KCNH7: variants seen among roughly 807,000 people sequenced by gnomAD.
The protein encoded by KCNH7 is voltage-gated inwardly rectifying potassium channel KCNH7.
KCNH7 carries 49 observed loss-of-function variants against 120.8 expected under a neutral mutation model. That is an observed-to-expected ratio of 0.41 (90% CI 0.32 to 0.51). The LOEUF is 0.51. Among genes scored for constraint, KCNH7 ranks in the 20% least tolerant of loss-of-function variants. The pLI is 0.38. For synonymous variants in KCNH7, 547 were observed against 516.1 expected (o/e 1.06, Z -0.81); for missense variants, 1,097 against 1,446.6 (o/e 0.76, Z 3.92).
intron 2 of KCNH7, among the ~76,000 whole-genome samples, chr2:162,828,368 T>G (rs896479086): frequency 6.6e-6 from 1 of 152,178 alleles, no homozygotes; most frequent in Non-Finnish European, 1.5e-5. Flanking sequence ...CTCATCATCT[T>G]AAGTCATTGA....
At chr2:162,489,691 T>C (rs1475311859) in intron 6 of KCNH7, among the ~76,000 whole-genome samples, 1 of 152,234 alleles carries the variant, frequency 6.6e-6, no homozygotes, top group African/African-American at 2.4e-5. Context: ...ATAATTACCC[T>C]AATGACAATT....
At chr2:162,508,080 C>T (rs932369860) in intron 5 of KCNH7, among the ~76,000 whole-genome samples, 5 of 151,452 alleles carry the variant, frequency 3.3e-5, no homozygotes, top group Admixed American at 2.0e-4. Flanking sequence ...CTGTATATTA[C>T]AGTTAGGGAA....
chr2:162,434,705 G>A (rs1688180948), intron 8 of KCNH7, among the ~76,000 whole-genome samples: 1 of 147,012 alleles, frequency 6.8e-6, no homozygotes, highest in Middle Eastern at 3.5e-3. Context: ...TATGTTGCAT[G>A]TATATATATA....
At chr2:162,796,163 C>T (rs1684138770) in intron 2 of KCNH7, 1 of 152,068 alleles carries the variant, frequency 6.6e-6, no homozygotes, top group African/African-American at 2.4e-5. Context: ...AGGCCTGTGT[C>T]TGAATTTCAT....
At chr2:162,627,177 C>T (rs1164688446) in intron 2 of KCNH7, among the ~76,000 whole-genome samples, 1 of 152,126 alleles carries the variant, frequency 6.6e-6, no homozygotes, top group Non-Finnish European at 1.5e-5. Flanking sequence ...CATCTAAGAA[C>T]ATCAAGAGTG....
intron 2 of KCNH7, among the ~76,000 whole-genome samples, chr2:162,581,660 T>C (rs1309873169): frequency 6.6e-6 from 1 of 152,120 alleles, no homozygotes; most frequent in African/African-American, 2.4e-5. Flanking sequence ...AACGTTTTTA[T>C]ATAATGTTAT....
rs551451347 is a variant in KCNH7 at position 162,786,767 on chromosome 2, T to C, written c.307+49770A>G. ...TTAAGCTGCATGATTTAAAAATAAA[T>C]AAATAAGAAGAGGGGTATCATCAGC... On this transcript the variant is annotated intron_variant, in intron 2 of 15. Coordinates refer to ENST00000332142, the MANE Select transcript of KCNH7 (RefSeq NM_033272.4). Among the ~76,000 whole-genome samples the C allele has an allele frequency of 2.3e-4, 35 of 152,160 alleles. No individual in the cohort carries two copies. The South Asian group carries it at 2.7e-3, about 12-fold the overall frequency.
chr2:162,730,052 G>C (rs531558651), intron 2 of KCNH7, among the ~76,000 whole-genome samples: 1 of 150,822 alleles, frequency 6.6e-6, no homozygotes, highest in Non-Finnish European at 1.5e-5. Context: ...TAAATACAAC[G>C]TGTGAAAATT....
chr2:162,379,775 T>C, intron 14 of KCNH7, 78 bp downstream of exon 14: 2 of 1,373,126 alleles, frequency 1.5e-6, no homozygotes, highest in South Asian at 2.7e-5. Context: ...CAAGGAGAAT[T>C]TTCCATTTGT....
chr2:162,548,873 A>G (rs1486497946), intron 2 of KCNH7, among the ~76,000 whole-genome samples: 1 of 152,208 alleles, frequency 6.6e-6, no homozygotes, highest in Non-Finnish European at 1.5e-5. Flanking sequence ...TGTATACTGA[A>G]AAAGTATGAG....
intron 2 of KCNH7, among the ~76,000 whole-genome samples, chr2:162,567,406 A>T (rs1693292974): frequency 6.6e-6 from 1 of 152,002 alleles, no homozygotes; most frequent in Non-Finnish European, 1.5e-5. Context: ...TAAAAGTGAG[A>T]ATAGCGGATG....
intron 2 of KCNH7, among the ~76,000 whole-genome samples, chr2:162,724,322 G>T (rs1236451803): frequency 1.3e-5 from 2 of 152,010 alleles, no homozygotes; most frequent in Admixed American, 6.6e-5. Context: ...TGATAAAGTT[G>T]AATTTATAAA....
At chr2:162,660,636 C>T (rs1684925828) in intron 2 of KCNH7, among the ~76,000 whole-genome samples, 1 of 152,152 alleles carries the variant, frequency 6.6e-6, no homozygotes, top group South Asian at 2.1e-4. Flanking sequence ...GTTGATGCTG[C>T]TGTTGATTTC....
chr2:162,393,619 A>C (rs1255647620), intron 12 of KCNH7, among the ~76,000 whole-genome samples: 1 of 151,952 alleles, frequency 6.6e-6, no homozygotes, highest in Non-Finnish European at 1.5e-5. Flanking sequence ...GTTCATAGTG[A>C]AAGATGCAGC....
intron 8 of KCNH7, among the ~76,000 whole-genome samples, chr2:162,431,038 T>C (rs958066755): frequency 1.3e-5 from 2 of 152,048 alleles, no homozygotes; most frequent in Admixed American, 6.6e-5. Context: ...TACTGTACTC[T>C]GTACACAGTC....
chr2:162,774,810 A>G (rs1683176329), intron 2 of KCNH7, among the ~76,000 whole-genome samples: 1 of 152,152 alleles, frequency 6.6e-6, no homozygotes, highest in African/African-American at 2.4e-5. Flanking sequence ...TTTGTTTACG[A>G]ATGTGTATGC....
chr2:162,820,641 C>G (rs1413814869), intron 2 of KCNH7, among the ~76,000 whole-genome samples: 2 of 152,032 alleles, frequency 1.3e-5, no homozygotes, highest in East Asian at 3.9e-4. Context: ...CTTTTTCTTT[C>G]TTGGATTGTA....
At chr2:162,384,604 T>C (rs1686520269) in intron 13 of KCNH7, 84 bp downstream of exon 13, 1 of 1,253,616 alleles carries the variant, frequency 8.0e-7, no homozygotes, top group Non-Finnish European at 1.1e-6. Context: ...TTAACATGTG[T>C]CAGTACAGTT....
At chr2:162,400,113 T>G (rs1213178376) in intron 10 of KCNH7, 76 bp downstream of exon 10, 7 of 1,490,824 alleles carry the variant, frequency 4.7e-6, no homozygotes, top group Admixed American at 1.9e-5. Context: ...CATCAGTCTT[T>G]TTTTCCTAAT....
Sources: allele counts gnomAD v4.1 joint callset (sites outside exome capture counted in the v4.1 genomes callset), GRCh38; gene constraint gnomAD v4.1.1; transcripts MANE v1.5; gene names NCBI Gene and HGNC (gene_info 2026-07-23, HGNC 2026-07-21).